CHRDL2: variants seen among roughly 807,000 people sequenced by gnomAD.
The protein encoded by CHRDL2 is chordin like 2.
Under a neutral mutation model 54.3 loss-of-function variants are expected in CHRDL2, and 41 were observed. That is an observed-to-expected ratio of 0.76 (90% CI 0.59 to 0.98). CHRDL2 has a LOEUF of 0.98. Among genes scored for constraint, CHRDL2 ranks in the 50% least tolerant of loss-of-function variants. The pLI, the probability that CHRDL2 is intolerant of heterozygous loss-of-function variation, is 0.00. For missense variants in CHRDL2, 518 were observed against 562.4 expected, an observed-to-expected ratio of 0.92 and a Z score of 0.80; for synonymous variants, 220 against 224.3, an observed-to-expected ratio of 0.98 and a Z score of 0.17.
At chr11:74,714,850 G>C (rs912427834) in intron 2 of CHRDL2, among the ~76,000 whole-genome samples, 6 of 152,184 alleles carry the variant, frequency 3.9e-5, no homozygotes, top group Non-Finnish European at 7.3e-5. Flanking sequence ...CACGAAGCAG[G>C]AAACAGGATG....
At chr11:74,709,691 G>C (rs1003854352) in intron 4 of CHRDL2, among the ~76,000 whole-genome samples, 1 of 152,202 alleles carries the variant, frequency 6.6e-6, no homozygotes, top group African/African-American at 2.4e-5. Context: ...TAGGGAGGCA[G>C]GCCCAAAAGA....
intron 9 of CHRDL2, among the ~76,000 whole-genome samples, chr11:74,697,932 C>T (rs559046108): frequency 6.6e-6 from 1 of 152,310 alleles, no homozygotes; most frequent in African/African-American, 2.4e-5. Context: ...TAGCAAGTGG[C>T]AGAGTTACAG....
intron 10 of CHRDL2, among the ~76,000 whole-genome samples, chr11:74,696,860 A>T (rs1476142757): frequency 2.6e-5 from 4 of 152,066 alleles, no homozygotes; most frequent in Non-Finnish European, 4.4e-5. Flanking sequence ...CTGAAACCCC[A>T]CCTGGGTCCA....
chr11:74,730,349 TG>T lies in CHRDL2; in HGVS notation c.82+457del, dbSNP rs2034632580. On this transcript the variant is annotated intron_variant, in intron 1 of 10. Coordinates refer to ENST00000376332, the MANE Select transcript of CHRDL2 (RefSeq NM_001278473.3). ...AGTTTTCTCATCTGTAAAGTGCGAA[TG>T]ATAATACCCACCTCACTGGAGAGTT... 2.6e-5 allele frequency among the ~76,000 whole-genome samples: 4 copies of T among 152,190 alleles called. No homozygotes were observed. The South Asian group carries it at 8.3e-4, about 32-fold the overall frequency.
intron 10 of CHRDL2, 128 bp downstream of exon 10, chr11:74,697,077 G>A (rs1178959391): frequency 1.3e-5 from 9 of 678,620 alleles, no homozygotes; most frequent in Non-Finnish European, 2.1e-5. Context: ...TTCCTGTGCT[G>A]GGAACTGACG....
intron 1 of CHRDL2, among the ~76,000 whole-genome samples, chr11:74,724,981 C>A (rs2034549824): frequency 6.6e-6 from 1 of 151,702 alleles, no homozygotes; most frequent in Non-Finnish European, 1.5e-5. Context: ...GTCCTTAGTC[C>A]TGGAAGCTTC....
At chr11:74,710,219 A>G (rs1280609397) in intron 4 of CHRDL2, among the ~76,000 whole-genome samples, 2 of 151,628 alleles carry the variant, frequency 1.3e-5, no homozygotes, top group Non-Finnish European at 2.9e-5. Context: ...CCGTCTCAAA[A>G]AAAAAAAAAA....
At position 74,730,860 on chromosome 11, in the gene CHRDL2, G is replaced by A. The variant is rs1032124192; in HGVS notation, c.29C>T (p.Ser10Phe). 2 of 1,612,656 alleles carry A rather than the reference G, an allele frequency of 1.2e-6. No individual in the cohort carries two copies. Among genetic ancestry groups the A allele is most frequent in the African/African-American group, 2.7e-5 (2 of 74,936 alleles). The change falls in exon 1 of 11, where the codon TCC becomes TTC. Residue 10 changes from serine to phenylalanine, a missense_variant. Ser to Phe is a radical substitution (Grantham distance 155). Coordinates refer to ENST00000376332, the MANE Select transcript of CHRDL2 (RefSeq NM_001278473.3). The part of the protein sequence containing the change: MVPEVRVLS[S>F]LLGLALLWFP... ...CCAGAGCAGCGCGAGTCCCAGCAAG[G>A]AGGAGAGGACCCTCACCTCGGGAAC... is the stretch of plus-strand genomic sequence containing the variant.
rs755868871 is a variant in CHRDL2 at position 74,706,489 on chromosome 11, C to A, written c.580G>T (p.Val194Leu). Reference sequence around the variant, plus strand: ...CGTCAATAAGGCCGTGCACTCACCACCCCATGGAGCGACTGCACACTGTCC... The same window carrying A: ...CGTCAATAAGGCCGTGCACTCACCAACCCATGGAGCGACTGCACACTGTCC... ...EEDSVQSLHG[V>L]RHPQDPCSSD... is the part of the protein sequence containing the mutation. Residue 194 changes from valine (V) to leucine (L), a missense_variant and splice_region_variant, in exon 6 of 11, where the codon GTG (valine) becomes TTG (leucine). Coordinates refer to ENST00000376332, the MANE Select transcript of CHRDL2 (RefSeq NM_001278473.3). 30 of 1,614,052 alleles carry A rather than the reference C, an allele frequency of 1.9e-5. No homozygotes were observed. Among genetic ancestry groups the A allele is most frequent in the East Asian group, 6.7e-5 (3 of 44,888 alleles).
In CHRDL2 at chr11:74,708,367, G is replaced by A; in HGVS notation, c.461C>T (p.Thr154Ile). ...TEGQIYCGLT[T>I]CPEPGCPAPL... Reference sequence around the variant, plus strand: ...TGCTGGGCAGCCTGGTTCGGGGCAGGTTGTGAGGCCGCAGTAGATCTGGCC... The same window carrying A: ...TGCTGGGCAGCCTGGTTCGGGGCAGATTGTGAGGCCGCAGTAGATCTGGCC... The change falls in exon 5 of 11, where the codon ACC becomes ATC. Residue 154 changes from threonine to isoleucine, a missense_variant. By Grantham distance (89) the Thr-to-Ile change is moderately conservative (BLOSUM62 -1). Transcript: ENST00000376332. The A allele has an allele frequency of 6.3e-7, 1 of 1,589,390 alleles. No individual in the cohort carries two copies.
rs1464283520 is a variant in CHRDL2, at chr11:74,720,283, AT to A, written c.83-1452del. 2.6e-5 allele frequency: 4 copies of A among 153,366 alleles called. No homozygotes were observed. The Middle Eastern group carries it at 3.5e-3, about 133-fold the overall frequency. 9.5% of individuals were successfully genotyped at this position (153,366 alleles called of 1,614,324 possible). ...GTAACAATCACAAAGCCACTGCAAAATGGACATTGTCATCTTCTGGAATAGA... is the reference window on the plus strand; with the variant it reads ...GTAACAATCACAAAGCCACTGCAAAAGGACATTGTCATCTTCTGGAATAGA... On this transcript the variant is annotated intron_variant, in intron 1 of 10. Coordinates refer to ENST00000376332, the MANE Select transcript of CHRDL2 (RefSeq NM_001278473.3).
At chr11:74,718,885 C>A (rs1264591217) in intron 1 of CHRDL2, 53 bp from the exon 2 acceptor site, 1 of 1,118,580 alleles carries the variant, frequency 8.9e-7, no homozygotes, top group Non-Finnish European at 1.3e-6. Flanking sequence ...GCCCAAAGAC[C>A]CTGTCTCATT....
chr11:74,707,402 T>C (rs2034044417), intron 5 of CHRDL2, among the ~76,000 whole-genome samples: 1 of 152,218 alleles, frequency 6.6e-6, no homozygotes, highest in African/African-American at 2.4e-5. Flanking sequence ...AGGCTTTCCT[T>C]GACTACCTCA....
Position 74,725,318 on chromosome 11 carries a change from A to C in CHRDL2, c.82+5489T>G, listed in dbSNP as rs569093232. On this transcript the variant is annotated intron_variant, in intron 1 of 10. Transcript: ENST00000376332. ...GGAAGCCTCTTTCTTTAACAAAAGGAGTAGTTCATTATATGGGAAGAGGGC... is the reference window on the plus strand; with the variant it reads ...GGAAGCCTCTTTCTTTAACAAAAGGCGTAGTTCATTATATGGGAAGAGGGC... 6.0e-4 allele frequency among the ~76,000 whole-genome samples: 92 copies of C among 152,274 alleles called. 1 individual carries two copies. The highest frequency in any genetic ancestry group is 3.9e-4 in the African/African-American group (16 of 41,558).
chr11:74,729,020 G>A (rs528445528), intron 1 of CHRDL2, among the ~76,000 whole-genome samples: 8 of 152,326 alleles, frequency 5.3e-5, no homozygotes, highest in Non-Finnish European at 1.2e-4. Flanking sequence ...TCAAGTCACC[G>A]GGGAGAGTTT....
intron 1 of CHRDL2, among the ~76,000 whole-genome samples, chr11:74,719,698 G>A (rs948394481): frequency 2.6e-5 from 4 of 152,102 alleles, no homozygotes; most frequent in South Asian, 2.1e-4. Context: ...TTTTGCAATC[G>A]CACATCAGTT....
Position 74,710,948 on chromosome 11 carries a change from G to A in CHRDL2, c.333C>T (p.Cys111=). ...GTTGGTACATGGTCCCGTTGTGCTG[G>A]CAGGACTTTGGTGGGGCCCGGAGTC... is the stretch of plus-strand genomic sequence containing the variant. ...PSGLRAPPKS[C]QHNGTMYQHG... The change falls in exon 4 of 11, where the codon TGC becomes TGT. Residue 111 remains cysteine, a synonymous_variant. Coordinates refer to ENST00000376332, the MANE Select transcript of CHRDL2 (RefSeq NM_001278473.3). 2 of 1,614,114 alleles carry A rather than the reference G, an allele frequency of 1.2e-6. No homozygotes were observed. Among genetic ancestry groups the A allele is most frequent in the African/African-American group, 2.7e-5 (2 of 75,042 alleles).
At position 74,704,626 on chromosome 11, in the gene CHRDL2, T is replaced by A; in HGVS notation, c.611A>T (p.Asp204Val). The change falls in exon 7 of 11, where the codon GAT becomes GTT. Residue 204 changes from aspartate to valine, a missense_variant. Asp to Val is a radical substitution (Grantham distance 152, BLOSUM62 -3). Transcript: ENST00000376332. ...VRHPQDPCSS[D>V]AGRKRGPGTP... ...GCCCGGGCCTCTCTTTCTCCCAGCA[T>A]CACTGGAACATGGATCCTGAGGATG... 1 of 1,605,400 alleles carries A rather than the reference T, an allele frequency of 6.2e-7. No individual in the cohort carries two copies. The highest frequency in any genetic ancestry group is 1.1e-5 in the South Asian group (1 of 88,984).
chr11:74,713,626 G>A, intron 2 of CHRDL2, 147 bp from the exon 3 acceptor site: 1 of 642,984 alleles, frequency 1.6e-6, no homozygotes, highest in Non-Finnish European at 2.7e-6. Flanking sequence ...AGTGTGCCCG[G>A]TTCCTCCCCA....
Sources: allele counts gnomAD v4.1 joint callset (sites outside exome capture counted in the v4.1 genomes callset), GRCh38; gene constraint gnomAD v4.1.1; transcripts MANE v1.5; gene names NCBI Gene and HGNC (gene_info 2026-07-23, HGNC 2026-07-21).